Variants in ANKS1A observed in about 807,000 individuals in gnomAD.
ANKS1A encodes the protein ankyrin repeat and SAM domain-containing protein 1A.
Under a neutral mutation model 120.3 loss-of-function variants are expected in ANKS1A, and 55 were observed. The ratio of observed to expected loss-of-function variants is 0.46; its 90% confidence interval spans 0.37 to 0.57. The LOEUF (loss-of-function observed/expected upper bound fraction) is 0.57. ANKS1A is among the 20% of genes least tolerant of loss of function. The pLI, the probability that ANKS1A is intolerant of heterozygous loss-of-function variation, is 0.00. For synonymous variants in ANKS1A, 590 were observed against 604.7 expected (o/e 0.98, Z 0.36); for missense variants, 1,123 against 1,480.3 (o/e 0.76, Z 3.96).
chr6:35,079,784 C>T, intron 15 of ANKS1A, 37 bp from the exon 16 acceptor site: 1 of 1,600,148 alleles, frequency 6.2e-7, no homozygotes. Flanking sequence ...GTGAGTTGGC[C>T]ACCTGACCTG....
In ANKS1A at chr6:35,057,339, G is replaced by A. The variant is rs150626514; in HGVS notation, c.2078-2808G>A. Among the ~76,000 whole-genome samples the A allele has an allele frequency of 6.3e-3, 959 of 152,226 alleles. 13 individuals carry two copies. The highest frequency in any genetic ancestry group is 0.022 in the African/African-American group (902 of 41,540). On this transcript the variant is annotated intron_variant, in intron 12 of 23. Coordinates refer to ENST00000360359, the MANE Select transcript of ANKS1A (RefSeq NM_015245.3). The surrounding 1 kb of genome is among the most constrained non-coding windows in gnomAD (Gnocchi z 4.1). ...AGGCCACTCTGGCTCTGTCAACAAAGGCCTTCTCCGTCAAGCAGAAGGGAA... is the reference window on the plus strand; with the variant it reads ...AGGCCACTCTGGCTCTGTCAACAAAAGCCTTCTCCGTCAAGCAGAAGGGAA...
intron 1 of ANKS1A, among the ~76,000 whole-genome samples, chr6:34,959,599 A>C (rs1265850483): frequency 6.6e-6 from 1 of 152,224 alleles, no homozygotes; most frequent in Non-Finnish European, 1.5e-5. Flanking sequence ...GAAGGGTGAA[A>C]TTAATAGCAG....
rs768831909 is a variant in ANKS1A, at chr6:35,090,259, T to C, written c.*1650T>C. On this transcript the variant is annotated 3_prime_UTR_variant, in exon 24 of 24. Coordinates refer to ENST00000360359, the MANE Select transcript of ANKS1A (RefSeq NM_015245.3). ...TGAGGATGCCCATGAGCTACCGCTG[T>C]ACAGTTCTCGGCCCCGGCTTTCTTC... 7.8e-7 allele frequency: 1 copy of C among 1,289,752 alleles called. No homozygotes were observed. The highest frequency in any genetic ancestry group is 1.2e-5 in the South Asian group (1 of 81,038). 79.9% of individuals were successfully genotyped at this position (1,289,752 alleles called of 1,614,324 possible).
chr6:35,017,160 T>A (rs1164275310), intron 10 of ANKS1A, among the ~76,000 whole-genome samples: 1 of 152,154 alleles, frequency 6.6e-6, no homozygotes, highest in Non-Finnish European at 1.5e-5. Context: ...TCTCGCCTTA[T>A]ATAGCAAGGT....
At chr6:34,944,806 G>C (rs1242303476) in intron 1 of ANKS1A, among the ~76,000 whole-genome samples, 1 of 152,178 alleles carries the variant, frequency 6.6e-6, no homozygotes, top group Non-Finnish European at 1.5e-5. Flanking sequence ...AGGGTCAGCT[G>C]TATTTTGGAT....
intron 3 of ANKS1A, among the ~76,000 whole-genome samples, chr6:34,979,626 C>T (rs1421698936): frequency 6.6e-6 from 1 of 151,384 alleles, no homozygotes; most frequent in Non-Finnish European, 1.5e-5. Flanking sequence ...ATGGTTTAGA[C>T]TTTTACAGTT....
rs532557301 is a variant in ANKS1A, at chr6:34,889,268, T to C, written c.-135T>C. ...CCGGATCCCGGAAGTGACGCGCTCG[T>C]GGGGAAAAGGCAGGGAGGGGGTGGT... On this transcript the variant is annotated 5_prime_UTR_variant, in exon 1 of 24. Coordinates refer to ENST00000360359, the MANE Select transcript of ANKS1A (RefSeq NM_015245.3). The surrounding 1 kb of genome is among the most constrained non-coding windows in gnomAD (Gnocchi z 5.5). 24 of 1,150,488 alleles carry C rather than the reference T, an allele frequency of 2.1e-5. No homozygotes were observed. The highest frequency in any genetic ancestry group is 8.7e-5 in the Admixed American group (2 of 22,952). 71.3% of individuals were successfully genotyped at this position (1,150,488 alleles called of 1,614,324 possible). A position where few individuals can be genotyped will look rare whatever the true frequency, so the allele number is the denominator to read the frequency against.
intron 11 of ANKS1A, among the ~76,000 whole-genome samples, chr6:35,046,467 T>A (rs1303401281): frequency 6.6e-6 from 1 of 152,224 alleles, no homozygotes; most frequent in Non-Finnish European, 1.5e-5. Context: ...AAAGATCTGA[T>A]CCTGAAAGAT....
chr6:35,046,627 C>T (rs1236943650), intron 11 of ANKS1A, among the ~76,000 whole-genome samples: 2 of 152,084 alleles, frequency 1.3e-5, no homozygotes, highest in Admixed American at 6.6e-5. Context: ...ATCTGTCTAC[C>T]CCTCAGTGCA....
intron 9 of ANKS1A, among the ~76,000 whole-genome samples, chr6:34,991,576 A>T (rs1772524227): frequency 7.3e-6 from 1 of 137,126 alleles, no homozygotes; most frequent in Non-Finnish European, 1.6e-5. Context: ...ACACACACAC[A>T]CACATATACA....
In ANKS1A at chr6:34,982,068, G is replaced by C; in HGVS notation, c.732+82G>C. On this transcript the variant is annotated intron_variant, in intron 4 of 23. Transcript: ENST00000360359. The surrounding 1 kb of genome is among the most constrained non-coding windows in gnomAD (Gnocchi z 4.9). ...GGCACAAGGACCATGCTGCTGGGCT[G>C]TGCTCTTTATTTAGCACGTTTCACA... The C allele has an allele frequency of 6.6e-7, 1 of 1,511,152 alleles. No homozygotes were observed. The highest frequency in any genetic ancestry group is 2.0e-5 in the Admixed American group (1 of 49,722). The allele number at this position is 1,511,152 out of a possible 1,614,324, so 93.6% of individuals were successfully genotyped here.
intron 10 of ANKS1A, 29 bp downstream of exon 10, chr6:34,994,451 C>G (rs1772742712): frequency 6.2e-7 from 1 of 1,604,658 alleles, no homozygotes; most frequent in Non-Finnish European, 8.5e-7. Flanking sequence ...CTGGCAGAAC[C>G]AACTCCAAAG....
At position 35,007,338 on chromosome 6, in the gene ANKS1A, G is replaced by A. The variant is rs540793305; in HGVS notation, c.1424-10135G>A. 2.6e-5 allele frequency among the ~76,000 whole-genome samples: 4 copies of A among 152,304 alleles called. No homozygotes were observed. The East Asian group carries it at 7.7e-4, about 29-fold the overall frequency. On this transcript the variant is annotated intron_variant, in intron 10 of 23. Transcript: ENST00000360359. ...CCTTAATAGATCTATGAAGTAGAAA[G>A]CCCATCCTCCAAAAAGACACAAGGC...
intron 1 of ANKS1A, among the ~76,000 whole-genome samples, chr6:34,898,728 T>C (rs1767212193): frequency 6.6e-6 from 1 of 152,202 alleles, no homozygotes; most frequent in Non-Finnish European, 1.5e-5. Flanking sequence ...GTGCAAACTT[T>C]TTTTTTTAAC....
At chr6:34,936,899 A>G (rs1243768530) in intron 1 of ANKS1A, among the ~76,000 whole-genome samples, 2 of 152,242 alleles carry the variant, frequency 1.3e-5, no homozygotes, top group Non-Finnish European at 2.9e-5. Context: ...TCTATTCAGC[A>G]AACATTTGAT....
chr6:35,025,558 G>A (rs995734650), intron 11 of ANKS1A, among the ~76,000 whole-genome samples: 1 of 152,054 alleles, frequency 6.6e-6, no homozygotes, highest in Non-Finnish European at 1.5e-5. Context: ...ACTTCCCACC[G>A]ATGCATTTCC....
intron 1 of ANKS1A, among the ~76,000 whole-genome samples, chr6:34,939,238 C>T (rs887001441): frequency 1.6e-4 from 25 of 152,136 alleles, no homozygotes; most frequent in African/African-American, 5.8e-4. Flanking sequence ...AGGGCCAGGC[C>T]CTTTACCTCA....
In ANKS1A at chr6:35,017,911, G is replaced by T. The variant is rs1418815635; in HGVS notation, c.1862G>T (p.Arg621Leu). ...CCCAAAGCTGAACTCAAACTCAGCC[G>T]CAGCTTGTCCAAGTCTGACTCTGAT... is the stretch of plus-strand genomic sequence containing the variant. The part of the protein sequence containing the change: ...SKPKAELKLS[R>L]SLSKSDSDLL... The change falls in exon 11 of 24, where the codon CGC becomes CTC. Residue 621 changes from arginine to leucine, a missense_variant. Transcript: ENST00000360359. 6.2e-7 allele frequency: 1 copy of T among 1,614,206 alleles called. No individual in the cohort carries two copies. Among genetic ancestry groups the T allele is most frequent in the East Asian group, 2.2e-5 (1 of 44,882 alleles).
chr6:35,087,120 G>A (rs183547354), intron 23 of ANKS1A, 71 bp downstream of exon 23: 11 of 1,462,256 alleles, frequency 7.5e-6, no homozygotes, highest in East Asian at 2.3e-5. Context: ...TTTGCCATCC[G>A]ATCTTTCTGC....
Sources: allele counts gnomAD v4.1 joint callset (sites outside exome capture counted in the v4.1 genomes callset), GRCh38; gene constraint gnomAD v4.1.1; non-coding constraint Gnocchi (gnomAD v3.1); transcripts MANE v1.5; gene names NCBI Gene and HGNC (gene_info 2026-07-23, HGNC 2026-07-21).